The following FBXO4 variants were observed in gnomAD, a reference collection of about 807,000 sequenced individuals.
The protein encoded by FBXO4 is F-box protein 4.
In FBXO4, 36 loss-of-function variants were observed where a neutral mutation model predicts 43.7. The ratio of observed to expected loss-of-function variants is 0.82; its 90% CI spans 0.63 to 1.09. The LOEUF is 1.09. Ranked by LOEUF, FBXO4 falls within the 50% of genes least tolerant of loss-of-function variation. FBXO4 has a pLI of 0.00. For synonymous variants in FBXO4, 180 were observed against 165.6 expected (o/e 1.09, Z -0.67); for missense variants, 435 against 474.1 (o/e 0.92, Z 0.77).
chr5:42,019,699 A>AAG, the FBXO4 span, among the ~76,000 whole-genome samples: 21 of 148,284 alleles, frequency 1.4e-4, no homozygotes, highest in African/African-American at 4.9e-4. Context: ...CGTCTCAAAA[A>AAG]AAAAAAAACC....
the FBXO4 span, among the ~76,000 whole-genome samples, chr5:42,037,263 A>G: frequency 3.3e-5 from 5 of 152,018 alleles, no homozygotes; most frequent in Non-Finnish European, 5.9e-5. Context: ...TTGAGTATTC[A>G]CTTGCAGGAT....
intron 1 of FBXO4, 62 bp downstream of exon 1, chr5:41,925,560 CT>C: frequency 8.1e-7 from 1 of 1,230,220 alleles, no homozygotes; most frequent in South Asian, 2.9e-5. Flanking sequence ...GGGACCTCCC[CT>C]GGAGCCCCCC....
chr5:42,007,978 G>A, the FBXO4 span, among the ~76,000 whole-genome samples: 1 of 151,882 alleles, frequency 6.6e-6, no homozygotes, highest in East Asian at 1.9e-4. Flanking sequence ...TACAGAGAAG[G>A]GAAAGAACAG....
At chr5:41,972,391 G>A in the FBXO4 span, among the ~76,000 whole-genome samples, 4 of 152,026 alleles carry the variant, frequency 2.6e-5, no homozygotes, top group African/African-American at 4.8e-5. Flanking sequence ...AGCTAACAAG[G>A]GAGGTGAAAG....
chr5:41,927,957 C>A (rs745816317), intron 2 of FBXO4, among the ~76,000 whole-genome samples: 1 of 152,064 alleles, frequency 6.6e-6, no homozygotes, highest in Non-Finnish European at 1.5e-5. Context: ...CTGAGAAACT[C>A]AAATTTAACG....
the FBXO4 span, among the ~76,000 whole-genome samples, chr5:41,994,843 T>G: frequency 1.3e-5 from 2 of 152,122 alleles, no homozygotes; most frequent in African/African-American, 4.8e-5. Context: ...GAATGTAATG[T>G]CGTGGGAACA....
chr5:42,014,514 G>C, the FBXO4 span, among the ~76,000 whole-genome samples: 2 of 152,138 alleles, frequency 1.3e-5, no homozygotes, highest in African/African-American at 4.8e-5. Context: ...GAGTCAGACA[G>C]GTTTGACTTT....
intron 5 of FBXO4, 21 bp from the exon 6 acceptor site, chr5:41,939,420 G>A (rs537074805): frequency 1.9e-6 from 3 of 1,569,254 alleles, no homozygotes; most frequent in African/African-American, 2.7e-5. Context: ...CAAATTAAGG[G>A]TTTTGACTTA....
the FBXO4 span, among the ~76,000 whole-genome samples, chr5:42,039,879 T>A: frequency 1.7e-4 from 26 of 152,130 alleles, no homozygotes; most frequent in African/African-American, 2.9e-4. Flanking sequence ...GTTCAGAGAC[T>A]GTAAACTACA....
At chr5:42,000,930 T>C in the FBXO4 span, among the ~76,000 whole-genome samples, 7 of 152,186 alleles carry the variant, frequency 4.6e-5, no homozygotes, top group Admixed American at 3.9e-4. Context: ...GTTTCAGTGA[T>C]TTATGTCTGA....
chr5:41,953,586 T>G, the FBXO4 span, among the ~76,000 whole-genome samples: 1 of 149,098 alleles, frequency 6.7e-6, no homozygotes, highest in Non-Finnish European at 1.5e-5. Flanking sequence ...ACTTCCACAA[T>G]GGTTGAACTA....
the FBXO4 span, among the ~76,000 whole-genome samples, chr5:41,950,273 C>G: frequency 6.6e-6 from 1 of 152,060 alleles, no homozygotes; most frequent in Non-Finnish European, 1.5e-5. Context: ...TCAGAGTGAA[C>G]AGGCCACCTA....
At chr5:41,939,652 T>C (rs1751950156) in intron 6 of FBXO4, 36 bp downstream of exon 6, 4 of 1,496,294 alleles carry the variant, frequency 2.7e-6, no homozygotes, top group Admixed American at 4.1e-5. Flanking sequence ...AAAAATTTTA[T>C]TTTGCACTCT....
chr5:41,968,537 G>A, the FBXO4 span, among the ~76,000 whole-genome samples: 1 of 152,214 alleles, frequency 6.6e-6, no homozygotes, highest in Non-Finnish European at 1.5e-5. Flanking sequence ...CCAGCAGGGG[G>A]CAACACGTTG....
At chr5:41,967,805 G>A in the FBXO4 span, 5 of 612,920 alleles carry the variant, frequency 8.2e-6, no homozygotes, top group Non-Finnish European at 1.6e-5. Context: ...TGGAGAAGGA[G>A]GCCATCTACA....
chr5:41,940,425 C>A (rs537712793), intron 6 of FBXO4, among the ~76,000 whole-genome samples: 10 of 152,156 alleles, frequency 6.6e-5, no homozygotes, highest in South Asian at 6.2e-4. Context: ...CCACACCTGG[C>A]TAATTTTTGT....
At chr5:42,001,975 G>A in the FBXO4 span, among the ~76,000 whole-genome samples, 8 of 152,170 alleles carry the variant, frequency 5.3e-5, no homozygotes, top group Non-Finnish European at 7.3e-5. Flanking sequence ...GATAACAGGC[G>A]TGAGCCACTG....
chr5:41,994,829 G>A, the FBXO4 span, among the ~76,000 whole-genome samples: 1 of 152,072 alleles, frequency 6.6e-6, no homozygotes, highest in Non-Finnish European at 1.5e-5. Context: ...CCTCTAGGCC[G>A]TCAGAATGTA....
the FBXO4 span, among the ~76,000 whole-genome samples, chr5:42,018,137 C>T: frequency 1.3e-5 from 2 of 148,640 alleles, no homozygotes; most frequent in African/African-American, 4.9e-5. Flanking sequence ...TTATAATTAA[C>T]AAACTATATA....
Sources: gnomAD v4.1 joint callset for allele counts (sites outside exome capture counted in the v4.1 genomes callset) on GRCh38, gnomAD v4.1.1 for gene constraint, MANE v1.5 for transcripts, NCBI Gene and HGNC (gene_info 2026-07-23, HGNC 2026-07-21) for gene names.